ROBO2: variants seen among roughly 807,000 people sequenced by gnomAD.
The protein encoded by ROBO2 is roundabout homolog 2.
In ROBO2, 53 loss-of-function variants were observed where a neutral mutation model predicts 160.8. The observed-to-expected ratio is 0.33, with a 90% CI of 0.26 to 0.41. The LOEUF is 0.41. Among genes scored for constraint, ROBO2 ranks in the 10% least tolerant of loss-of-function variants. The probability of loss-of-function intolerance (pLI) is 1.00; values close to 1 mark genes in which losing one functional copy is unlikely to be tolerated. For missense variants in ROBO2, 1,577 were observed against 1,722.4 expected, an observed-to-expected ratio of 0.92 and a Z score of 1.49; for synonymous variants, 664 against 611.7, an observed-to-expected ratio of 1.09 and a Z score of -1.26.
chr3:76,871,280 C>T (rs540456365), intron 2 of ROBO2, among the ~76,000 whole-genome samples: 9 of 152,254 alleles, frequency 5.9e-5, no homozygotes, highest in Admixed American at 2.0e-4. Context: ...TCTGGCCGGG[C>T]GCGGTGGCTC....
chr3:76,579,063 ATCAT>A (rs1374847745), intron 2 of ROBO2, among the ~76,000 whole-genome samples: 6 of 152,048 alleles, frequency 3.9e-5, no homozygotes, highest in African/African-American at 1.5e-4. Context: ...CCTTACTTCG[ATCAT>A]TTTGGATTTC....
At chr3:76,058,823 C>T (rs2067958077) in intron 2 of ROBO2, among the ~76,000 whole-genome samples, 1 of 117,406 alleles carries the variant, frequency 8.5e-6, no homozygotes, top group Non-Finnish European at 1.7e-5. Flanking sequence ...CAACAGGCCC[C>T]AGTGTGTGAT....
At chr3:77,216,666 C>G (rs1163613882) in intron 2 of ROBO2, among the ~76,000 whole-genome samples, 1 of 152,220 alleles carries the variant, frequency 6.6e-6, no homozygotes, top group African/African-American at 2.4e-5. Context: ...TTCTGCGTCA[C>G]TCATGCTCAG....
At chr3:76,872,354 A>T (rs1430774272) in intron 2 of ROBO2, among the ~76,000 whole-genome samples, 6 of 152,284 alleles carry the variant, frequency 3.9e-5, no homozygotes, top group African/African-American at 1.4e-4. Context: ...TACAGAAAAC[A>T]TAATGAAACC....
intron 2 of ROBO2, among the ~76,000 whole-genome samples, chr3:76,247,760 A>G (rs2107538913): frequency 6.6e-6 from 1 of 152,222 alleles, no homozygotes; most frequent in East Asian, 1.9e-4. Flanking sequence ...CAAAGGGCTA[A>G]TATCCAGAAT....
intron 2 of ROBO2, among the ~76,000 whole-genome samples, chr3:77,303,553 T>C (rs1257175621): frequency 6.6e-6 from 1 of 152,138 alleles, no homozygotes; most frequent in African/African-American, 2.4e-5. Flanking sequence ...ATTTATTGCA[T>C]TCACAATGCT....
chr3:77,323,827 A>G (rs1396755057), intron 2 of ROBO2, among the ~76,000 whole-genome samples: 2 of 152,176 alleles, frequency 1.3e-5, no homozygotes, highest in Non-Finnish European at 2.9e-5. Context: ...AGGCTTGGAA[A>G]TCACTTGGCA....
chr3:76,279,826 G>C (rs1224104859), intron 2 of ROBO2, among the ~76,000 whole-genome samples: 2 of 151,840 alleles, frequency 1.3e-5, no homozygotes, highest in Non-Finnish European at 2.9e-5. Flanking sequence ...ATTTAATCTT[G>C]ACTATGATCC....
intron 2 of ROBO2, among the ~76,000 whole-genome samples, chr3:76,322,188 AT>A (rs1344180133): frequency 5.5e-5 from 5 of 91,640 alleles, no homozygotes; most frequent in African/African-American, 1.6e-4. Context: ...ATATATATAT[AT>A]ATATATATAT....
chr3:76,764,707 G>A (rs940149173), intron 2 of ROBO2, among the ~76,000 whole-genome samples: 12 of 151,474 alleles, frequency 7.9e-5, no homozygotes, highest in Admixed American at 7.3e-4. Context: ...CTGGCCACCT[G>A]TCTATCAAAA....
intron 6 of ROBO2, among the ~76,000 whole-genome samples, chr3:77,528,148 A>G (rs147907700): frequency 2.6e-5 from 4 of 151,840 alleles, no homozygotes; most frequent in African/African-American, 9.6e-5. Flanking sequence ...AGCTTTCTGC[A>G]TCTCTTTTAA....
At chr3:77,542,120 A>T (rs1271763409) in intron 6 of ROBO2, among the ~76,000 whole-genome samples, 2 of 152,218 alleles carry the variant, frequency 1.3e-5, no homozygotes, top group Non-Finnish European at 2.9e-5. Flanking sequence ...TGGCAGAGAC[A>T]CTGAAACTGT....
At chr3:77,224,864 C>T (rs1351054792) in intron 2 of ROBO2, among the ~76,000 whole-genome samples, 3 of 151,552 alleles carry the variant, frequency 2.0e-5, no homozygotes, top group Admixed American at 6.6e-5. Context: ...TAGATAAGAC[C>T]GCTGATAGTG....
chr3:76,851,343 A>G (rs1047416921), intron 2 of ROBO2, among the ~76,000 whole-genome samples: 2 of 152,332 alleles, frequency 1.3e-5, no homozygotes, highest in East Asian at 3.9e-4. Flanking sequence ...TATTCCCATC[A>G]TTGTAGAGAA....
chr3:76,168,631 T>C (rs745319685), intron 2 of ROBO2, among the ~76,000 whole-genome samples: 4 of 152,102 alleles, frequency 2.6e-5, no homozygotes, highest in Non-Finnish European at 4.4e-5. Flanking sequence ...TTCCTTTATT[T>C]TTGCAGTACC....
At chr3:77,478,478 A>G (rs564906791) in intron 3 of ROBO2, among the ~76,000 whole-genome samples, 1 of 152,346 alleles carries the variant, frequency 6.6e-6, no homozygotes, top group Non-Finnish European at 1.5e-5. Flanking sequence ...TTAAAATTCA[A>G]AATGAAACAC....
intron 2 of ROBO2, among the ~76,000 whole-genome samples, chr3:76,565,748 C>T (rs1216196820): frequency 1.3e-5 from 2 of 152,114 alleles, no homozygotes; most frequent in Admixed American, 6.6e-5. Flanking sequence ...TTGTTACTTT[C>T]ATTTTTACTT....
intron 2 of ROBO2, among the ~76,000 whole-genome samples, chr3:76,348,950 A>G (rs1036508893): frequency 2.0e-5 from 3 of 152,176 alleles, no homozygotes; most frequent in Non-Finnish European, 2.9e-5. Flanking sequence ...AAGCAGCTTA[A>G]GTCACGGTTG....
At chr3:75,951,280 G>C (rs2107187856) in intron 2 of ROBO2, among the ~76,000 whole-genome samples, 1 of 152,152 alleles carries the variant, frequency 6.6e-6, no homozygotes, top group East Asian at 1.9e-4. Flanking sequence ...ACAAAAATGT[G>C]TGTGTTTTGT....
Sources: gnomAD v4.1 joint callset for allele counts (sites outside exome capture counted in the v4.1 genomes callset) on GRCh38, gnomAD v4.1.1 for gene constraint, MANE v1.5 for transcripts, NCBI Gene and HGNC (gene_info 2026-07-23, HGNC 2026-07-21) for gene names.